Variants in RALGAPA2 observed in about 807,000 individuals in gnomAD.
The protein encoded by RALGAPA2 is Ral GTPase activating protein catalytic subunit alpha 2.
In RALGAPA2, 139 loss-of-function variants were observed where a neutral mutation model predicts 230.4. The ratio of observed to expected loss-of-function variants is 0.60; its 90% CI spans 0.53 to 0.69. The LOEUF (loss-of-function observed/expected upper bound fraction) is 0.69, where lower values mean the gene tolerates loss of function less well. RALGAPA2 is among the 30% of genes least tolerant of loss of function. The pLI, the probability that RALGAPA2 is intolerant of heterozygous loss-of-function variation, is 0.00. For missense variants in RALGAPA2, 2,163 were observed against 2,276.0 expected (o/e 0.95, Z 1.01); for synonymous variants, 847 against 837.8 (o/e 1.01, Z -0.19).
At chr20:20,656,914 A>G (rs1220791853) in intron 3 of RALGAPA2, among the ~76,000 whole-genome samples, 1 of 152,166 alleles carries the variant, frequency 6.6e-6, no homozygotes, top group African/African-American at 2.4e-5. Flanking sequence ...TAGGGCCACA[A>G]ACACAATCTG....
At chr20:20,526,630 A>G (rs2063212559) in intron 27 of RALGAPA2, among the ~76,000 whole-genome samples, 1 of 152,240 alleles carries the variant, frequency 6.6e-6, no homozygotes, top group East Asian at 1.9e-4. Flanking sequence ...GGAAATTAAA[A>G]CCATAATTCA....
chr20:20,465,053 T>G (rs927682035), intron 37 of RALGAPA2, among the ~76,000 whole-genome samples: 1 of 152,064 alleles, frequency 6.6e-6, no homozygotes, highest in Non-Finnish European at 1.5e-5. Context: ...TTTGAAAAAG[T>G]ATCATTTTAT....
intron 37 of RALGAPA2, among the ~76,000 whole-genome samples, chr20:20,435,801 A>G (rs2060599275): frequency 6.6e-6 from 1 of 152,246 alleles, no homozygotes; most frequent in Non-Finnish European, 1.5e-5. Flanking sequence ...GTCTGTGGAC[A>G]CTGCCACAGG....
Position 20,439,432 on chromosome 20 carries a change from C to T in RALGAPA2, c.5496-27284G>A, listed in dbSNP as rs546037522. Among the ~76,000 whole-genome samples, 40 of 152,158 alleles carry T rather than the reference C, an allele frequency of 2.6e-4. No individual in the cohort carries two copies. In the South Asian group the frequency reaches 4.4e-3, roughly 17 times the overall value. On this transcript the variant is annotated intron_variant, in intron 37 of 39. Transcript: ENST00000202677. ...TTCATCATGTTGCCCAGGCTGGTCT[C>T]GAACTCCAGAGCTTAAGCGATCCAC...
intron 23 of RALGAPA2, among the ~76,000 whole-genome samples, chr20:20,555,290 C>G (rs1602770784): frequency 6.6e-6 from 1 of 152,318 alleles, no homozygotes; most frequent in Non-Finnish European, 1.5e-5. Context: ...ATATGTTTAA[C>G]CTTTCACCAG....
chr20:20,501,859 G>C (rs939412180), intron 35 of RALGAPA2, among the ~76,000 whole-genome samples: 14 of 152,050 alleles, frequency 9.2e-5, no homozygotes, highest in African/African-American at 3.4e-4. Context: ...CACTACTATT[G>C]TGCTTAGGGA....
chr20:20,588,226 TCAAC>T (rs1309722143), intron 18 of RALGAPA2, among the ~76,000 whole-genome samples: 2 of 152,170 alleles, frequency 1.3e-5, no homozygotes, highest in Admixed American at 6.6e-5. Context: ...AATCTAAATG[TCAAC>T]CAACAAGAGA....
intron 36 of RALGAPA2, among the ~76,000 whole-genome samples, chr20:20,481,580 T>A (rs1388303823): frequency 6.6e-6 from 1 of 152,248 alleles, no homozygotes; most frequent in Non-Finnish European, 1.5e-5. Context: ...GCACTGCCTT[T>A]ATCATGCAAG....
intron 20 of RALGAPA2, among the ~76,000 whole-genome samples, chr20:20,581,951 A>G (rs1177470649): frequency 3.9e-5 from 6 of 152,140 alleles, no homozygotes; most frequent in South Asian, 4.1e-4. Context: ...CATACAAGAT[A>G]CCTGTGTGTG....
At chr20:20,563,745 G>A (rs903976804) in intron 23 of RALGAPA2, among the ~76,000 whole-genome samples, 14 of 152,132 alleles carry the variant, frequency 9.2e-5, no homozygotes, top group East Asian at 1.9e-4. Context: ...AATGGGAATC[G>A]TGCCAGGACA....
At chr20:20,471,853 C>T (rs1229481066) in intron 37 of RALGAPA2, 2 of 151,912 alleles carry the variant, frequency 1.3e-5, no homozygotes, top group African/African-American at 2.4e-5. Context: ...ATGAAGTGAC[C>T]AGGATTTTAA....
chr20:20,598,962 A>G (rs1157505043), intron 16 of RALGAPA2: 1 of 330,806 alleles, frequency 3.0e-6, no homozygotes, highest in Non-Finnish European at 6.0e-6. Flanking sequence ...AGTACAAAGT[A>G]TAGTATTTAA....
At chr20:20,429,057 C>A in intron 37 of RALGAPA2, among the ~76,000 whole-genome samples, 1 of 152,002 alleles carries the variant, frequency 6.6e-6, no homozygotes, top group East Asian at 1.9e-4. Context: ...AACAAGCTAC[C>A]CAATGTTGGT....
chr20:20,618,878 C>T (rs2066235011), intron 12 of RALGAPA2, among the ~76,000 whole-genome samples: 2 of 152,124 alleles, frequency 1.3e-5, no homozygotes, highest in South Asian at 4.2e-4. Flanking sequence ...TAAACACAGC[C>T]AATTTTAAGA....
chr20:20,639,770 T>C lies in RALGAPA2; in HGVS notation c.666+15A>G, dbSNP rs1302328249. On this transcript the variant is annotated intron_variant, in intron 7 of 39. Transcript: ENST00000202677. ...AATAAACCCATCACTGAAATAGTCA[T>C]AATTTTTCTCTGACCTGAATAACCA... 6.5e-7 allele frequency: 1 copy of C among 1,545,756 alleles called. No homozygotes were observed. Among genetic ancestry groups the C allele is most frequent in the Non-Finnish European group, 8.9e-7 (1 of 1,118,118 alleles).
Position 20,512,513 on chromosome 20 carries a change from C to A in RALGAPA2, c.4856G>T (p.Arg1619Met). The change falls in exon 32 of 40, where the codon AGG becomes ATG. Residue 1619 changes from arginine to methionine, a missense_variant and splice_region_variant. Arg to Met is a moderately conservative substitution (Grantham distance 91, BLOSUM62 -1). Transcript: ENST00000202677. ...CTGGAGGTCTAGCTTGGATTGTTAC[C>A]TTCTGTCCCAAGAATTCATTCCCAA... Reference protein sequence around the residue: ...DDLGMNSWDRRKNFHLLKKNS... With the variant: ...DDLGMNSWDRMKNFHLLKKNS... 1 of 1,593,058 alleles carries A rather than the reference C, an allele frequency of 6.3e-7. No individual in the cohort carries two copies. The highest frequency in any genetic ancestry group is 8.5e-7 in the Non-Finnish European group (1 of 1,171,432).
intron 20 of RALGAPA2, among the ~76,000 whole-genome samples, chr20:20,577,491 T>A (rs1045534930): frequency 1.3e-5 from 2 of 152,078 alleles, no homozygotes; most frequent in South Asian, 4.1e-4. Flanking sequence ...AGGAGACACA[T>A]CAAAATGTGC....
intron 23 of RALGAPA2, among the ~76,000 whole-genome samples, chr20:20,569,208 G>GA (rs1473790000): frequency 6.6e-6 from 1 of 151,964 alleles, no homozygotes; most frequent in East Asian, 1.9e-4. Flanking sequence ...TAACTTAAAT[G>GA]AAAAAAAGTT....
At chr20:20,500,987 C>T (rs2062357561) in intron 35 of RALGAPA2, among the ~76,000 whole-genome samples, 1 of 152,212 alleles carries the variant, frequency 6.6e-6, no homozygotes, top group South Asian at 2.1e-4. Context: ...TAGCAGGTCT[C>T]AACAGTTGGC....
Sources: gnomAD v4.1 joint callset for allele counts (sites outside exome capture counted in the v4.1 genomes callset) on GRCh38, gnomAD v4.1.1 for gene constraint, MANE v1.5 for transcripts, NCBI Gene and HGNC (gene_info 2026-07-23, HGNC 2026-07-21) for gene names.